YRDC: variants seen among roughly 807,000 people sequenced by gnomAD.
The protein encoded by YRDC is threonylcarbamoyl-AMP synthase.
YRDC carries 17 observed loss-of-function variants against 21.5 expected under a neutral mutation model. The ratio of observed to expected loss-of-function variants is 0.79; its 90% CI spans 0.54 to 1.19. YRDC has a LOEUF of 1.19. Among genes scored for constraint, YRDC ranks in the 50% most tolerant of loss-of-function variants. YRDC has a pLI of 0.00. For synonymous variants in YRDC, 193 were observed against 176.7 expected (o/e 1.09, Z -0.73); for missense variants, 380 against 397.1 (o/e 0.96, Z 0.37).
rs989936241 is a variant in YRDC, at chr1:37,807,863, C to A, written c.318G>T (p.Val106=). ...AASCSAALRA[V]YRLKGRSEAK... ...CCTCGCTGCGACCCTTGAGGCGGTA[C>A]ACAGCGCGCAGAGCCGCCGAGCAGC... Residue 106 remains valine (V), a synonymous_variant, in exon 1 of 5, where the codon GTG becomes GTT. Transcript: ENST00000373044. 8.1e-6 allele frequency: 12 copies of A among 1,488,110 alleles called. No homozygotes were observed. Among genetic ancestry groups the A allele is most frequent in the African/African-American group, 7.2e-5 (5 of 69,344 alleles). 92.2% of individuals were successfully genotyped at this position (1,488,110 alleles called of 1,614,324 possible). A position where few individuals can be genotyped will look rare whatever the true frequency, so the allele number is the denominator to read the frequency against.
chr1:37,807,039 C>G (rs1646742820), intron 2 of YRDC, 62 bp downstream of exon 2: 1 of 1,613,944 alleles, frequency 6.2e-7, no homozygotes. Flanking sequence ...TAAGTCTTAT[C>G]TGGATCCTAG....
Position 37,807,967 on chromosome 1 carries a change from C to A in YRDC, c.214G>T (p.Ala72Ser). The A allele has an allele frequency of 1.6e-6, 2 of 1,216,650 alleles. 1 individual carries two copies. The highest frequency in any genetic ancestry group is 8.8e-5 in the Admixed American group (2 of 22,850). 75.4% of individuals were successfully genotyped at this position (1,216,650 alleles called of 1,614,324 possible). Reference sequence around the variant, plus strand: ...CCGGCGCGCAGCTCGGCCACGGCGGCCCGCAGCGCCTCGGTCCAGCCGGCG... The same window carrying A: ...CCGGCGCGCAGCTCGGCCACGGCGGACCGCAGCGCCTCGGTCCAGCCGGCG... ...ERAGWTEALR[A>S]AVAELRAGAV... The change falls in exon 1 of 5, where the codon GCC becomes TCC. Residue 72 changes from alanine to serine, a missense_variant. Ala to Ser is a moderately conservative substitution (Grantham distance 99). Around this residue, in one of 3 missense-constraint regions of YRDC, gnomAD observed 51 missense variants for 95.9 expected, o/e 0.53. Coordinates refer to ENST00000373044, the MANE Select transcript of YRDC (RefSeq NM_024640.4).
At chr1:37,807,494 C>T (rs545382712) in intron 1 of YRDC, 6 of 587,462 alleles carry the variant, frequency 1.0e-5, no homozygotes, top group South Asian at 9.2e-5. Flanking sequence ...TTCTTCAAGG[C>T]ATTCGCTATT....
intron 3 of YRDC, among the ~76,000 whole-genome samples, chr1:37,805,339 C>T (rs1049018524): frequency 1.3e-5 from 2 of 152,208 alleles, no homozygotes; most frequent in Non-Finnish European, 1.5e-5. Context: ...ATTCCAGCTC[C>T]TTCTAGCTCT....
Position 37,807,024 on chromosome 1 carries a change from G to A in YRDC, c.505-48C>T, listed in dbSNP as rs116559366. ...TCATGAGAAAGGTTGGAAGGGATAAGAGGGTAAGTCTTATCTGGATCCTAG... is the reference window on the plus strand; with the variant it reads ...TCATGAGAAAGGTTGGAAGGGATAAAAGGGTAAGTCTTATCTGGATCCTAG... On this transcript the variant is annotated intron_variant, in intron 2 of 4. Transcript: ENST00000373044. 5.4e-4 allele frequency: 878 copies of A among 1,614,162 alleles called. 7 individuals carry two copies. The African/African-American group carries it at 0.01, about 19-fold the overall frequency.
At position 37,807,839 on chromosome 1, in the gene YRDC, C is replaced by T; in HGVS notation, c.342G>A (p.Glu114=). 6.6e-7 allele frequency: 1 copy of T among 1,509,164 alleles called. No homozygotes were observed. Among genetic ancestry groups the T allele is most frequent in the Non-Finnish European group, 8.8e-7 (1 of 1,133,508 alleles). 93.5% of individuals were successfully genotyped at this position (1,509,164 alleles called of 1,614,324 possible). A position where few individuals can be genotyped will look rare whatever the true frequency, so the allele number is the denominator to read the frequency against. ...RAVYRLKGRS[E]AKPLAVCLGR... ...CGAGGCATACGGCCAGAGGCTTGGCCTCGCTGCGACCCTTGAGGCGGTACA... is the reference window on the plus strand; with the variant it reads ...CGAGGCATACGGCCAGAGGCTTGGCTTCGCTGCGACCCTTGAGGCGGTACA... The change falls in exon 1 of 5, where the codon GAG becomes GAA. Residue 114 remains glutamate (E), a synonymous_variant. Coordinates refer to ENST00000373044, the MANE Select transcript of YRDC (RefSeq NM_024640.4).
chr1:37,804,245 T>C, intron 4 of YRDC, 57 bp downstream of exon 4: 1 of 1,576,390 alleles, frequency 6.3e-7, no homozygotes, highest in Non-Finnish European at 8.6e-7. Flanking sequence ...CAAAGCTTTT[T>C]TGCATCTCTC....
intron 1 of YRDC, 23 bp downstream of exon 1, chr1:37,807,769 G>A (rs1376048700): frequency 6.7e-7 from 1 of 1,484,596 alleles, no homozygotes; most frequent in Non-Finnish European, 8.9e-7. Context: ...GCCCCTAGCG[G>A]GGCCGGGTCG....
At chr1:37,807,632 C>A in intron 1 of YRDC, 160 bp downstream of exon 1, 1 of 1,297,216 alleles carries the variant, frequency 7.7e-7, no homozygotes, top group Non-Finnish European at 1.0e-6. Context: ...AGTTCAGGGC[C>A]CGGGGCACGT....
chr1:37,807,400 C>T, intron 1 of YRDC, 185 bp from the exon 2 acceptor site: 1 of 635,478 alleles, frequency 1.6e-6, no homozygotes, highest in Non-Finnish European at 2.7e-6. Context: ...CCTGGCTTGA[C>T]GCCCATGTGC....
Position 37,804,373 on chromosome 1 carries a change from G to T in YRDC, c.696C>A (p.Pro232=). 6.2e-7 allele frequency: 1 copy of T among 1,614,152 alleles called. No individual in the cohort carries two copies. Among genetic ancestry groups the T allele is most frequent in the Non-Finnish European group, 8.5e-7 (1 of 1,180,026 alleles). The stretch of plus-strand genomic sequence containing the variant: ...CCACAGTTGAGCCAAGGCGACACTC[G>T]GGGCTCTGGCCATCCCCAATTTGTC... The part of the protein sequence containing the change: ...DGGQIGDGQS[P]ECRLGSTVVD... Residue 232 remains proline (P), a synonymous_variant, in exon 4 of 5, where the codon CCC becomes CCA. Transcript: ENST00000373044.
intron 1 of YRDC, 82 bp downstream of exon 1, chr1:37,807,710 T>A: frequency 7.3e-7 from 1 of 1,370,926 alleles, no homozygotes; most frequent in Non-Finnish European, 9.4e-7. Flanking sequence ...TCCCGCTCTC[T>A]GCGCCTCAGT....
chr1:37,807,830 A>G lies in YRDC; in HGVS notation c.351T>C (p.Pro117=), dbSNP rs1253666843. The G allele has an allele frequency of 6.6e-6, 10 of 1,509,694 alleles. No individual in the cohort carries two copies. Among genetic ancestry groups the G allele is most frequent in the Non-Finnish European group, 7.9e-6 (9 of 1,133,932 alleles). The allele number at this position is 1,509,694 out of a possible 1,614,324, so 93.5% of individuals were successfully genotyped here. ...YRLKGRSEAK[P]LAVCLGRVAD... is the part of the protein sequence containing the mutation. ...CCACGCGGCCGAGGCATACGGCCAG[A>G]GGCTTGGCCTCGCTGCGACCCTTGA... The change falls in exon 1 of 5, where the codon CCT becomes CCC. Residue 117 remains proline (P), a synonymous_variant. Transcript: ENST00000373044.
Position 37,807,140 on chromosome 1 carries a change from G to C in YRDC, c.465C>G (p.Arg155=). Residue 155 remains arginine (R), a synonymous_variant, in exon 2 of 5, where the codon CGC becomes CGG. Coordinates refer to ENST00000373044, the MANE Select transcript of YRDC (RefSeq NM_024640.4). ...TTAGGTCCTTGTTGAGCTCCTCCGA[G>C]CGTTCCATCACCAGGGTCACTGGTC... is the stretch of plus-strand genomic sequence containing the variant. ...LPGPVTLVME[R]SEELNKDLNP... is the part of the protein sequence containing the mutation. 6.2e-7 allele frequency: 1 copy of C among 1,614,142 alleles called. No homozygotes were observed. Among genetic ancestry groups the C allele is most frequent in the Non-Finnish European group, 8.5e-7 (1 of 1,180,032 alleles).
rs1170668635 is a variant in YRDC at position 37,804,445 on chromosome 1, C to G, written c.625-1G>C. 6.2e-7 allele frequency: 1 copy of G among 1,610,602 alleles called. No homozygotes were observed. The highest frequency in any genetic ancestry group is 2.2e-5 in the East Asian group (1 of 44,808). On this transcript the variant is annotated splice_acceptor_variant, in intron 3 of 4. Coordinates refer to ENST00000373044, the MANE Select transcript of YRDC (RefSeq NM_024640.4). LOFTEE classifies it high-confidence loss of function. ...ACTGAGGCCAGAGATCCTGGAACTC[C>G]TGAGAAGAGGGAGAAGGAAGAGCAT...
In YRDC at chr1:37,804,311, C is replaced by T. The variant is rs201872915; in HGVS notation, c.758G>A (p.Arg253His). ...LSVPGKFGIIRPGCALESTTA... is the reference protein window; with the variant it reads ...LSVPGKFGIIHPGCALESTTA... ...CAGGAAAGAGACTTACCAGCCTGGA[C>T]GAATGATGCCAAACTTTCCGGGCAC... The change falls in exon 4 of 5, where the codon CGT becomes CAT. Residue 253 changes from arginine (R) to histidine (H), a missense_variant. Physicochemically the swap from Arg to His is conservative, Grantham distance 29 (BLOSUM62 0). Around this residue, in one of 3 missense-constraint regions of YRDC, gnomAD observed 238 missense variants for 236.5 expected, o/e 1.01. Coordinates refer to ENST00000373044, the MANE Select transcript of YRDC (RefSeq NM_024640.4). 54 of 1,613,392 alleles carry T rather than the reference C, an allele frequency of 3.3e-5. No individual in the cohort carries two copies. The highest frequency in any genetic ancestry group is 1.2e-4 in the Admixed American group (7 of 59,952).
chr1:37,803,046 C>A lies in YRDC; in HGVS notation c.*879G>T, dbSNP rs1646712520. 6.6e-6 allele frequency: 1 copy of A among 152,138 alleles called. No individual in the cohort carries two copies. The allele number at this position is 152,138 out of a possible 1,614,324, so 9.4% of individuals were successfully genotyped here. A position where few individuals can be genotyped will look rare whatever the true frequency, so the allele number is the denominator to read the frequency against. On this transcript the variant is annotated 3_prime_UTR_variant, in exon 5 of 5. Coordinates refer to ENST00000373044, the MANE Select transcript of YRDC (RefSeq NM_024640.4). ...AACACTTGGTACACATATAAATAGA[C>A]AAAAGGCTGCGGAGAACACTGGATT...
At position 37,806,915 on chromosome 1, in the gene YRDC, C is replaced by T. The variant is rs1557578946; in HGVS notation, c.566G>A (p.Gly189Asp). 6.2e-7 allele frequency: 1 copy of T among 1,614,156 alleles called. No individual in the cohort carries two copies. Among genetic ancestry groups the T allele is most frequent in the East Asian group, 2.2e-5 (1 of 44,876 alleles). The change falls in exon 3 of 5, where the codon GGT becomes GAT. Residue 189 changes from glycine (G) to aspartate (D), a missense_variant. Transcript: ENST00000373044. ...GTTGGCACTAGTGAGAGCAAGCGGA[C>T]CCTCAAACATCTGAGCCAAGTCTTG... ...FMQDLAQMFE[G>D]PLALTSANLS... is the part of the protein sequence containing the mutation.
rs1179065523 is a variant in YRDC, at chr1:37,806,968, G to A, written c.513C>T (p.Gly171=). 6.2e-7 allele frequency: 1 copy of A among 1,614,228 alleles called. No individual in the cohort carries two copies. Among genetic ancestry groups the A allele is most frequent in the South Asian group, 1.1e-5 (1 of 91,086 alleles). The change falls in exon 3 of 5, where the codon GGC becomes GGT. Residue 171 remains glycine, a synonymous_variant. Transcript: ENST00000373044. ...TAAAAGCATGATCAGGAATCCGAAT[G>A]CCTACAAGCTGTAAGGCAAGGGGAA... ...KDLNPFTPLV[G]IRIPDHAFMQ...
Sources: gnomAD v4.1 joint callset for allele counts (sites outside exome capture counted in the v4.1 genomes callset) on GRCh38, gnomAD v4.1.1 for gene constraint, gnomAD v4.1.1 regional missense constraint, MANE v1.5 for transcripts, NCBI Gene and HGNC (gene_info 2026-07-23, HGNC 2026-07-21) for gene names.